Variants in ADCY3 observed in about 807,000 individuals in gnomAD.
The protein encoded by ADCY3 is adenylate cyclase type 3.
Under a neutral mutation model 119.4 loss-of-function variants are expected in ADCY3, and 70 were observed. The ratio of observed to expected loss-of-function variants is 0.59; its 90% CI spans 0.48 to 0.72. The LOEUF (loss-of-function observed/expected upper bound fraction) is 0.72. Among genes scored for constraint, ADCY3 ranks in the 30% least tolerant of loss-of-function variants. The probability of loss-of-function intolerance (pLI) is 0.00; values close to 1 mark genes in which losing one functional copy is unlikely to be tolerated. For missense variants in ADCY3, 1,238 were observed against 1,541.6 expected (o/e 0.80, Z 3.30); for synonymous variants, 672 against 621.4 (o/e 1.08, Z -1.21).
chr2:24,821,986 G>A, intron 19 of ADCY3: 2 of 262,562 alleles, frequency 7.6e-6, no homozygotes, highest in East Asian at 9.0e-5. Flanking sequence ...AGCACTGGAG[G>A]GGGATGACCC....
At chr2:24,847,613 G>C (rs1176760353) in intron 3 of ADCY3, among the ~76,000 whole-genome samples, 2 of 152,216 alleles carry the variant, frequency 1.3e-5, no homozygotes, top group Admixed American at 1.3e-4. Context: ...CCCTCTCTCT[G>C]CCAGTCAAGT....
rs1452429294 is a variant in ADCY3, at chr2:24,841,309, G to A, written c.1146C>T (p.Asp382=). ...CCATGAGGATGGAGCAGACGGCGTG[G>A]TCCTCCCGGTAGTCGGGCAAGCCGC... is the stretch of plus-strand genomic sequence containing the variant. ...CICGLPDYRE[D]HAVCSILMGL... Residue 382 remains aspartate, a synonymous_variant, in exon 6 of 22, where the codon GAC becomes GAT. Coordinates refer to ENST00000679454, the MANE Select transcript of ADCY3 (RefSeq NM_004036.5). This position sits in a 1 kb window ranked among gnomAD's most constrained non-coding sequence, Gnocchi z 5.8. 2.5e-6 allele frequency: 4 copies of A among 1,583,336 alleles called. No homozygotes were observed. The South Asian group carries it at 3.5e-5, about 14-fold the overall frequency.
At chr2:24,826,210 C>T in intron 15 of ADCY3, 84 bp from the exon 16 acceptor site, 1 of 1,229,198 alleles carries the variant, frequency 8.1e-7, no homozygotes, top group Middle Eastern at 1.9e-4. Context: ...GATGGTGCTG[C>T]TTCCTGCCAC....
chr2:24,877,786 C>A, intron 2 of ADCY3: 1 of 433,362 alleles, frequency 2.3e-6, no homozygotes, highest in Admixed American at 2.6e-5. Context: ...CATCTGACCA[C>A]CAGACAGAGA....
intron 3 of ADCY3, among the ~76,000 whole-genome samples, chr2:24,866,297 C>T (rs7597157): frequency 0.32 from 49,321 of 151,900 alleles, 8,167 homozygotes; most frequent in South Asian, 0.39. Context: ...TATTTCCCAT[C>T]CACAATATCT....
chr2:24,895,150 G>A (rs1678107194), intron 2 of ADCY3, among the ~76,000 whole-genome samples: 2 of 151,974 alleles, frequency 1.3e-5, no homozygotes, highest in Non-Finnish European at 2.9e-5. Context: ...GAGTGCAGTG[G>A]TGCAATCTCG....
intron 2 of ADCY3, among the ~76,000 whole-genome samples, chr2:24,903,665 C>G (rs913293774): frequency 2.6e-5 from 4 of 152,128 alleles, no homozygotes; most frequent in Admixed American, 1.3e-4. Flanking sequence ...ACCCATTAGG[C>G]CATCGTGAAG....
At chr2:24,837,121 G>C in intron 8 of ADCY3, 76 bp from the exon 9 acceptor site, 1 of 1,510,630 alleles carries the variant, frequency 6.6e-7, no homozygotes, top group Non-Finnish European at 9.0e-7. Context: ...AGTGACAAGG[G>C]CGTGGGAGGC....
At chr2:24,901,164 TC>T (rs1446217358) in intron 2 of ADCY3, among the ~76,000 whole-genome samples, 4 of 151,690 alleles carry the variant, frequency 2.6e-5, no homozygotes, top group African/African-American at 9.7e-5. Flanking sequence ...AGCGCTGGAG[TC>T]CCCAGAGCCG....
chr2:24,887,580 C>T (rs1389978764), intron 2 of ADCY3, among the ~76,000 whole-genome samples: 5 of 152,020 alleles, frequency 3.3e-5, no homozygotes, highest in Non-Finnish European at 7.4e-5. Context: ...CTGGTTCCCC[C>T]GGCATCTGGC....
Position 24,827,528 on chromosome 2 carries a change from G to A in ADCY3, c.2495+18C>T, listed in dbSNP as rs779512665. ...AGGGCTGTGAGTGCAGGCCAGGAGGGGAAGCCGTGGCCCTTACCTGTCAGT... is the reference window on the plus strand; with the variant it reads ...AGGGCTGTGAGTGCAGGCCAGGAGGAGAAGCCGTGGCCCTTACCTGTCAGT... On this transcript the variant is annotated intron_variant, in intron 15 of 21. Coordinates refer to ENST00000679454, the MANE Select transcript of ADCY3 (RefSeq NM_004036.5). 11 of 1,574,676 alleles carry A rather than the reference G, an allele frequency of 7.0e-6. No individual in the cohort carries two copies. Among genetic ancestry groups the A allele is most frequent in the Non-Finnish European group, 8.6e-6 (10 of 1,157,266 alleles).
At position 24,820,091 on chromosome 2, in the gene ADCY3, G is replaced by A. The variant is rs1423340386; in HGVS notation, c.3276C>T (p.Ile1092=). 6.8e-7 allele frequency: 1 copy of A among 1,463,072 alleles called. No individual in the cohort carries two copies. Among genetic ancestry groups the A allele is most frequent in the Non-Finnish European group, 9.2e-7 (1 of 1,091,510 alleles). 90.6% of individuals were successfully genotyped at this position (1,463,072 alleles called of 1,614,324 possible). A position where few individuals can be genotyped will look rare whatever the true frequency, so the allele number is the denominator to read the frequency against. Residue 1092 remains isoleucine, a synonymous_variant, in exon 22 of 22, where the codon ATC becomes ATT. Transcript: ENST00000679454. ...CAAAGCGGAAGCCGTACTCTCGGAG[G>A]ATGACTTGGGTTTCTTCTACCACCT... ...NIQVVEETQV[I]LREYGFRFVR...
intron 6 of ADCY3, among the ~76,000 whole-genome samples, chr2:24,840,816 C>T (rs574011890): frequency 2.0e-5 from 3 of 152,318 alleles, no homozygotes; most frequent in African/African-American, 4.8e-5. Flanking sequence ...TGGGATCCAG[C>T]CTCATCCCTG....
At chr2:24,884,102 T>C (rs1676723696) in intron 2 of ADCY3, among the ~76,000 whole-genome samples, 2 of 152,154 alleles carry the variant, frequency 1.3e-5, no homozygotes, top group Non-Finnish European at 2.9e-5. Flanking sequence ...CCCAGGGACA[T>C]TCAGCATTTT....
At chr2:24,828,384 C>T (rs923234654) in intron 13 of ADCY3, among the ~76,000 whole-genome samples, 8 of 152,174 alleles carry the variant, frequency 5.3e-5, no homozygotes, top group East Asian at 1.9e-4. Context: ...AAAACTCTCT[C>T]GAGTATTTTT....
intron 2 of ADCY3, among the ~76,000 whole-genome samples, chr2:24,902,384 G>C (rs1573034664): frequency 6.6e-6 from 1 of 151,456 alleles, no homozygotes; most frequent in African/African-American, 2.4e-5. Flanking sequence ...CCCAGCCTTA[G>C]GTGTATATTT....
intron 21 of ADCY3, 41 bp from the exon 22 acceptor site, chr2:24,820,155 G>A (rs545715233): frequency 1.5e-6 from 2 of 1,297,548 alleles, no homozygotes; most frequent in South Asian, 1.4e-5. Flanking sequence ...GTTACGGGGG[G>A]AGCCTAGACT....
At position 24,827,567 on chromosome 2, in the gene ADCY3, G is replaced by C. The variant is rs547084770; in HGVS notation, c.2474C>G (p.Pro825Arg). 21 of 1,589,580 alleles carry C rather than the reference G, an allele frequency of 1.3e-5. No homozygotes were observed. The highest frequency in any genetic ancestry group is 1.7e-4 in the Middle Eastern group (1 of 6,036). The stretch of plus-strand genomic sequence containing the variant: ...TTACCTGTCAGTGCCATTGAGCCCA[G>C]GGTTGAATCCTTGCATCTGCTCTAA... ...VALEQMQGFN[P>R]GLNGTDRLPL... is the part of the protein sequence containing the mutation. The change falls in exon 15 of 22, where the codon CCT becomes CGT. Residue 825 changes from proline (P) to arginine (R), a missense_variant. Physicochemically the swap from Pro to Arg is moderately radical, Grantham distance 103 (BLOSUM62 -2). Around this residue, in one of 7 missense-constraint regions of ADCY3, gnomAD observed 499 missense variants for 571.0 expected, o/e 0.87. Transcript: ENST00000679454.
intron 2 of ADCY3, among the ~76,000 whole-genome samples, chr2:24,895,077 G>A (rs1274543198): frequency 6.6e-6 from 1 of 151,918 alleles, no homozygotes; most frequent in Non-Finnish European, 1.5e-5. Context: ...GTGCCTTGAT[G>A]TAATTATCTT....
Sources: gnomAD v4.1 joint callset for allele counts (sites outside exome capture counted in the v4.1 genomes callset) on GRCh38, gnomAD v4.1.1 for gene constraint, gnomAD v4.1.1 regional missense constraint, Gnocchi (gnomAD v3.1) non-coding constraint, MANE v1.5 for transcripts, NCBI Gene and HGNC (gene_info 2026-07-23, HGNC 2026-07-21) for gene names.